Variants in KIF16B observed in about 807,000 individuals in gnomAD.
KIF16B encodes kinesin family member 16B.
A neutral mutation model predicts 156.3 loss-of-function variants in KIF16B; 98 were observed. The observed-to-expected ratio is 0.63, with a 90% CI of 0.53 to 0.74. The LOEUF (loss-of-function observed/expected upper bound fraction) is 0.74. Among genes scored for constraint, KIF16B ranks in the 30% least tolerant of loss-of-function variants. The pLI is 0.00. For missense variants in KIF16B, 1,421 were observed against 1,606.5 expected (o/e 0.88, Z 1.97); for synonymous variants, 564 against 583.7 (o/e 0.97, Z 0.49).
intron 25 of KIF16B, among the ~76,000 whole-genome samples, chr20:16,297,051 G>A (rs1364935679): frequency 1.3e-5 from 2 of 152,178 alleles, no homozygotes; most frequent in East Asian, 3.8e-4. Context: ...TTCTTCTTGG[G>A]ACTTGAGCCT....
intron 1 of KIF16B, among the ~76,000 whole-genome samples, chr20:16,565,803 G>C (rs1005605051): frequency 1.4e-4 from 21 of 152,198 alleles, no homozygotes; most frequent in Admixed American, 6.5e-4. Flanking sequence ...AACCCGCGTA[G>C]GGCCAGCATC....
At chr20:16,427,070 T>C (rs369455660) in intron 15 of KIF16B, 34 bp downstream of exon 15, 68 of 1,537,674 alleles carry the variant, frequency 4.4e-5, no homozygotes, top group Middle Eastern at 1.7e-4. Flanking sequence ...TCAAACAATA[T>C]ATACAAAGAC....
At chr20:16,510,176 T>C (rs2068912223) in intron 6 of KIF16B, among the ~76,000 whole-genome samples, 1 of 152,204 alleles carries the variant, frequency 6.6e-6, no homozygotes, top group Non-Finnish European at 1.5e-5. Context: ...TTCTATCTCT[T>C]CATACACCAG....
At position 16,330,858 on chromosome 20, in the gene KIF16B, C is replaced by T. The variant is rs555720364; in HGVS notation, c.3711+5068G>A. Among the ~76,000 whole-genome samples the T allele has an allele frequency of 2.6e-5, 4 of 152,378 alleles. No individual in the cohort carries two copies. In the South Asian group the frequency reaches 8.3e-4, roughly 32 times the overall value. On this transcript the variant is annotated intron_variant, in intron 24 of 25. Transcript: ENST00000354981. ...ATGGAGTTGTTATAAGAGACACTGG[C>T]TCCCTTCTGGCACGGGATTCTAGGC...
intron 22 of KIF16B, among the ~76,000 whole-genome samples, chr20:16,369,776 A>C (rs1485944725): frequency 1.3e-5 from 2 of 152,230 alleles, no homozygotes; most frequent in African/African-American, 4.8e-5. Context: ...ATGAACATTA[A>C]CAGTAATTAT....
At chr20:16,522,263 A>G (rs2069380400) in intron 3 of KIF16B, among the ~76,000 whole-genome samples, 1 of 152,220 alleles carries the variant, frequency 6.6e-6, no homozygotes, top group Non-Finnish European at 1.5e-5. Flanking sequence ...GGTGTGCTGT[A>G]TTCAGGAGAC....
At chr20:16,537,026 T>C (rs1357501669) in intron 1 of KIF16B, among the ~76,000 whole-genome samples, 1 of 152,014 alleles carries the variant, frequency 6.6e-6, no homozygotes, top group Non-Finnish European at 1.5e-5. Context: ...TTGTAGGCCC[T>C]GTCCCAGGTC....
intron 2 of KIF16B, among the ~76,000 whole-genome samples, chr20:16,527,107 A>C (rs1000582886): frequency 6.6e-6 from 1 of 152,238 alleles, no homozygotes. Context: ...AGACAAGGTA[A>C]TTACCAGCAG....
At chr20:16,409,948 CATATAT>C (rs74175688) in intron 15 of KIF16B, among the ~76,000 whole-genome samples, 1 of 54,950 alleles carries the variant, frequency 1.8e-5, no homozygotes, top group East Asian at 7.3e-4. Flanking sequence ...CACTTACCTA[CATATAT>C]ATATATATAT....
chr20:16,511,564 A>C, intron 5 of KIF16B, 37 bp from the exon 6 acceptor site: 1 of 1,338,812 alleles, frequency 7.5e-7, no homozygotes, highest in Admixed American at 1.7e-5. Flanking sequence ...CAGAAAAATG[A>C]TTTCAGACAT....
chr20:16,356,770 A>T (rs1024827870), intron 22 of KIF16B, among the ~76,000 whole-genome samples: 2 of 152,134 alleles, frequency 1.3e-5, no homozygotes, highest in African/African-American at 4.8e-5. Flanking sequence ...CTGACTTCTT[A>T]AAAAAAATCA....
intron 17 of KIF16B, among the ~76,000 whole-genome samples, chr20:16,387,433 T>G (rs1337254604): frequency 1.3e-5 from 2 of 152,126 alleles, no homozygotes; most frequent in Non-Finnish European, 2.9e-5. Flanking sequence ...GATCATCTGA[T>G]GATCTGGGAA....
chr20:16,556,278 A>T (rs557796180), intron 1 of KIF16B, among the ~76,000 whole-genome samples: 1 of 152,266 alleles, frequency 6.6e-6, no homozygotes, highest in East Asian at 1.9e-4. Context: ...GTGGTATCAC[A>T]CCTGTCTCCT....
chr20:16,406,861 A>G (rs946118801), intron 15 of KIF16B, among the ~76,000 whole-genome samples: 2 of 152,228 alleles, frequency 1.3e-5, no homozygotes, highest in Non-Finnish European at 2.9e-5. Flanking sequence ...GATACTGGTA[A>G]AAGTAGAAAT....
intron 17 of KIF16B, among the ~76,000 whole-genome samples, chr20:16,402,781 G>T (rs964787435): frequency 1.3e-5 from 2 of 152,138 alleles, no homozygotes; most frequent in Non-Finnish European, 2.9e-5. Flanking sequence ...GTGCAGGCTG[G>T]GACTTTATTT....
In KIF16B at chr20:16,368,457, G is replaced by A. The variant is rs370834830; in HGVS notation, c.3498+2129C>T. 37 of 986,366 alleles carry A rather than the reference G, an allele frequency of 3.8e-5. No homozygotes were observed. In the South Asian group the frequency reaches 8.0e-4, roughly 21 times the overall value. The allele number at this position is 986,366 out of a possible 1,614,324, so 61.1% of individuals were successfully genotyped here. ...GCTTCAGAAATGGCAGGCTTCTGAC[G>A]AATGTTGTTACCTGGGAGGGGAGCC... On this transcript the variant is annotated intron_variant, in intron 22 of 25. Transcript: ENST00000354981.
At chr20:16,438,035 T>C (rs927454032) in intron 12 of KIF16B, among the ~76,000 whole-genome samples, 1 of 150,398 alleles carries the variant, frequency 6.6e-6, no homozygotes, top group African/African-American at 2.4e-5. Context: ...TAGTCCTAGC[T>C]ACTTGAGAGG....
chr20:16,374,529 C>T, intron 19 of KIF16B, 120 bp from the exon 20 acceptor site: 1 of 933,096 alleles, frequency 1.1e-6, no homozygotes, highest in Non-Finnish European at 1.5e-6. Context: ...GTGCAAAGAA[C>T]TTTACCTTCT....
At chr20:16,413,577 TGAGACA>T (rs2066011333) in intron 15 of KIF16B, among the ~76,000 whole-genome samples, 1 of 152,102 alleles carries the variant, frequency 6.6e-6, no homozygotes, top group South Asian at 2.1e-4. Context: ...TACAAACATA[TGAGACA>T]ACTGTGTTCC....
Sources: gnomAD v4.1 joint callset for allele counts (sites outside exome capture counted in the v4.1 genomes callset) on GRCh38, gnomAD v4.1.1 for gene constraint, MANE v1.5 for transcripts, NCBI Gene and HGNC (gene_info 2026-07-23, HGNC 2026-07-21) for gene names.